QRICH1: variants seen among roughly 807,000 people sequenced by gnomAD.
The protein encoded by QRICH1 is glutamine rich 1, also known as transcriptional regulator QRICH1.
A neutral mutation model predicts 87.1 loss-of-function variants in QRICH1; 16 were observed. That is an observed-to-expected ratio of 0.18 (90% CI 0.12 to 0.28). The LOEUF is 0.28. Ranked by LOEUF, QRICH1 falls within the 10% of genes least tolerant of loss-of-function variation. The probability of loss-of-function intolerance (pLI) is 1.00; values close to 1 mark genes in which losing one functional copy is unlikely to be tolerated. For synonymous variants in QRICH1, 367 were observed against 368.4 expected (o/e 1.00, Z 0.05); for missense variants, 647 against 951.7 (o/e 0.68, Z 4.21).
chr3:49,058,887 A>C (rs1177912263), intron 2 of QRICH1, among the ~76,000 whole-genome samples: 2 of 151,626 alleles, frequency 1.3e-5, no homozygotes, highest in African/African-American at 4.8e-5. Context: ...CTTGGCCTCC[A>C]AAACTGTTGA....
At chr3:49,080,219 C>T (rs1272710531) in intron 1 of QRICH1, among the ~76,000 whole-genome samples, 1 of 152,104 alleles carries the variant, frequency 6.6e-6, no homozygotes, top group Non-Finnish European at 1.5e-5. Flanking sequence ...TATAAAAGAG[C>T]AGCAGAGGTC....
chr3:49,047,096 C>T lies in QRICH1; in HGVS notation c.1489G>A (p.Ala497Thr), dbSNP rs746808937. ...QTKNAELEKDAQNRLAPIGRR... is the reference protein window; with the variant it reads ...QTKNAELEKDTQNRLAPIGRR... Reference sequence around the variant, plus strand: ...CCAATGGGTGCCAATCTGTTCTGAGCATCCTTCTCTAGTTCAGCATTCTTG... The same window carrying T: ...CCAATGGGTGCCAATCTGTTCTGAGTATCCTTCTCTAGTTCAGCATTCTTG... Residue 497 changes from alanine to threonine, a missense_variant, in exon 4 of 10, where the codon GCT becomes ACT. By Grantham distance (58) the Ala-to-Thr change is moderately conservative. Coordinates refer to ENST00000395443, the MANE Select transcript of QRICH1 (RefSeq NM_198880.3). 2.5e-6 allele frequency: 4 copies of T among 1,614,090 alleles called. No homozygotes were observed. The highest frequency in any genetic ancestry group is 1.7e-6 in the Non-Finnish European group (2 of 1,179,982).
At chr3:49,058,248 C>T (rs1390268659) in intron 2 of QRICH1, among the ~76,000 whole-genome samples, 1 of 152,012 alleles carries the variant, frequency 6.6e-6, no homozygotes, top group East Asian at 1.9e-4. Context: ...CTGCTGGGAT[C>T]AAGCGATTCT....
intron 1 of QRICH1, among the ~76,000 whole-genome samples, chr3:49,084,495 T>C (rs990655090): frequency 6.6e-6 from 1 of 151,834 alleles, no homozygotes; most frequent in African/African-American, 2.4e-5. Context: ...CCTCAAGCGA[T>C]CCACAGCATC....
intron 3 of QRICH1, among the ~76,000 whole-genome samples, chr3:49,053,945 G>C (rs1296073623): frequency 6.6e-6 from 1 of 152,148 alleles, no homozygotes; most frequent in East Asian, 1.9e-4. Context: ...CTATTCCCCA[G>C]CTCCTAGCAC....
chr3:49,064,420 T>C (rs1229581308), intron 2 of QRICH1, among the ~76,000 whole-genome samples: 1 of 151,902 alleles, frequency 6.6e-6, no homozygotes, highest in Non-Finnish European at 1.5e-5. Context: ...TTTTTGTTTG[T>C]TTTTGTATTT....
chr3:49,063,187 A>C (rs2093445369), intron 2 of QRICH1, among the ~76,000 whole-genome samples: 1 of 152,228 alleles, frequency 6.6e-6, no homozygotes, highest in East Asian at 1.9e-4. Flanking sequence ...AGTTACAGAT[A>C]ATAGGTGTTC....
At chr3:49,085,673 G>T (rs1048804660) in intron 1 of QRICH1, among the ~76,000 whole-genome samples, 1 of 151,466 alleles carries the variant, frequency 6.6e-6, no homozygotes, top group African/African-American at 2.4e-5. Flanking sequence ...CAGGAGAATC[G>T]CTTGAACCTG....
At chr3:49,077,346 G>A (rs2041970428) in intron 1 of QRICH1, among the ~76,000 whole-genome samples, 1 of 152,140 alleles carries the variant, frequency 6.6e-6, no homozygotes, top group Non-Finnish European at 1.5e-5. Flanking sequence ...CTTCTCTGCA[G>A]AGCCAAGCAC....
chr3:49,063,951 G>C (rs1425269961), intron 2 of QRICH1, among the ~76,000 whole-genome samples: 4 of 152,004 alleles, frequency 2.6e-5, no homozygotes, highest in Non-Finnish European at 4.4e-5. Context: ...CTGTTGCCCT[G>C]GCTGGAGTGC....
chr3:49,047,320 T>G (rs1219986039), intron 3 of QRICH1, 74 bp from the exon 4 acceptor site: 2 of 1,362,996 alleles, frequency 1.5e-6, no homozygotes, highest in Admixed American at 2.1e-5. Flanking sequence ...GCCAGAAAAA[T>G]GTTATGTATA....
At chr3:49,088,626 T>G (rs1316480525) in intron 1 of QRICH1, among the ~76,000 whole-genome samples, 28 of 148,500 alleles carry the variant, frequency 1.9e-4, no homozygotes, top group African/African-American at 6.7e-4. Context: ...CTGTTTTTTT[T>G]TTTTTTTTTT....
At chr3:49,066,039 C>T (rs1211984694) in intron 2 of QRICH1, among the ~76,000 whole-genome samples, 1 of 152,030 alleles carries the variant, frequency 6.6e-6, no homozygotes, top group Non-Finnish European at 1.5e-5. Flanking sequence ...AACCTCAGCA[C>T]TTTGGGAGGC....
chr3:49,039,919 G>A (rs2093300113), intron 6 of QRICH1, among the ~76,000 whole-genome samples: 1 of 152,020 alleles, frequency 6.6e-6, no homozygotes, highest in Admixed American at 6.6e-5. Context: ...AAAATTAGCT[G>A]GGCGTGGGGC....
chr3:49,076,248 G>C (rs2041947623), intron 2 of QRICH1, among the ~76,000 whole-genome samples: 1 of 152,222 alleles, frequency 6.6e-6, no homozygotes, highest in African/African-American at 2.4e-5. Context: ...CAGCACCACA[G>C]TGTTGGTCAG....
Position 49,046,516 on chromosome 3 carries a change from C to G in QRICH1, c.1580G>C (p.Gly527Ala). 6.2e-7 allele frequency: 1 copy of G among 1,614,112 alleles called. No individual in the cohort carries two copies. The highest frequency in any genetic ancestry group is 1.7e-5 in the Admixed American group (1 of 59,990). ...ISSAVAELNYGLCLMTREARN... is the reference protein window; with the variant it reads ...ISSAVAELNYALCLMTREARN... ...AGCTTCCCGTGTCATTAGACAGAGC[C>G]CATAATTCAACTCTGCCACAGCAGA... Residue 527 changes from glycine to alanine, a missense_variant, in exon 5 of 10, where the codon GGG becomes GCG. Physicochemically the swap from Gly to Ala is moderately conservative, Grantham distance 60. Transcript: ENST00000395443.
At chr3:49,038,181 C>T (rs1336675850) in intron 6 of QRICH1, among the ~76,000 whole-genome samples, 2 of 151,464 alleles carry the variant, frequency 1.3e-5, no homozygotes, top group Admixed American at 1.3e-4. Context: ...CTGCCTCAGC[C>T]TCCATAATAG....
rs559375581 is a variant in QRICH1 at position 49,047,379 on chromosome 3, T to C, written c.1339-133A>G. On this transcript the variant is annotated intron_variant, in intron 3 of 9. Transcript: ENST00000395443. ...TCTCTACTCATTGCTGTCCTACTTT[T>C]AAGAAGCTTTGGAGTTCTACCTCTT... The C allele has an allele frequency of 3.4e-6, 3 of 892,762 alleles. No individual in the cohort carries two copies. The South Asian group carries it at 6.3e-5, about 19-fold the overall frequency. 55.3% of individuals were successfully genotyped at this position (892,762 alleles called of 1,614,324 possible).
chr3:49,079,516 A>G (rs1040530416), intron 1 of QRICH1, among the ~76,000 whole-genome samples: 2 of 148,264 alleles, frequency 1.3e-5, no homozygotes, highest in East Asian at 1.9e-4. Context: ...AAATATTATA[A>G]CAATTATAAT....
Sources: allele counts gnomAD v4.1 joint callset (sites outside exome capture counted in the v4.1 genomes callset), GRCh38; gene constraint gnomAD v4.1.1; transcripts MANE v1.5; gene names NCBI Gene and HGNC (gene_info 2026-07-23, HGNC 2026-07-21).